The following ASTN2 variants were observed in gnomAD, a reference collection of about 807,000 sequenced individuals.
ASTN2 encodes astrotactin 2, also known as astrotactin-2.
A neutral mutation model predicts 139.8 loss-of-function variants in ASTN2; 54 were observed. The ratio of observed to expected loss-of-function variants is 0.39; its 90% CI spans 0.31 to 0.48. The LOEUF is 0.48. ASTN2 is among the 20% of genes least tolerant of loss of function. The probability of loss-of-function intolerance (pLI) is 0.95; values close to 1 mark genes in which losing one functional copy is unlikely to be tolerated. For synonymous variants in ASTN2, 756 were observed against 719.5 expected, an observed-to-expected ratio of 1.05 and a Z score of -0.81; for missense variants, 1,565 against 1,725.1, an observed-to-expected ratio of 0.91 and a Z score of 1.64.
At chr9:116,799,792 A>G (rs777092161) in intron 13 of ASTN2, among the ~76,000 whole-genome samples, 2 of 152,010 alleles carry the variant, frequency 1.3e-5, no homozygotes, top group African/African-American at 2.4e-5. Flanking sequence ...TAGTCTGTCA[A>G]TTCCCACACT....
At chr9:116,902,721 C>T (rs1289543350) in intron 10 of ASTN2, among the ~76,000 whole-genome samples, 1 of 152,084 alleles carries the variant, frequency 6.6e-6, no homozygotes, top group African/African-American at 2.4e-5. Context: ...TTTGGTTCTG[C>T]TTTTTCTAGA....
intron 7 of ASTN2, among the ~76,000 whole-genome samples, chr9:116,984,730 CA>C (rs1836629405): frequency 6.6e-6 from 1 of 152,210 alleles, no homozygotes; most frequent in Admixed American, 6.5e-5. Context: ...GTAATGTCAT[CA>C]GGGGATACAT....
intron 5 of ASTN2, among the ~76,000 whole-genome samples, chr9:117,041,666 G>A (rs1838576733): frequency 6.6e-6 from 1 of 152,130 alleles, no homozygotes. Flanking sequence ...GTTGCAGGAT[G>A]TGATCCATAT....
chr9:116,632,134 G>C (rs1410728213), intron 17 of ASTN2, among the ~76,000 whole-genome samples: 1 of 74,946 alleles, frequency 1.3e-5, no homozygotes, highest in Non-Finnish European at 2.5e-5. Context: ...AAAGAAGAGA[G>C]AGAGAGAGAG....
chr9:117,275,067 C>A (rs1449672198), intron 2 of ASTN2, among the ~76,000 whole-genome samples: 3 of 152,178 alleles, frequency 2.0e-5, no homozygotes, highest in Non-Finnish European at 4.4e-5. Context: ...TAATCATTAA[C>A]CACCAAAGTT....
chr9:117,209,958 ATGAG>A (rs1832066773), intron 3 of ASTN2, among the ~76,000 whole-genome samples: 1 of 152,162 alleles, frequency 6.6e-6, no homozygotes, highest in Non-Finnish European at 1.5e-5. Flanking sequence ...TGAATGACCA[ATGAG>A]TGAAGGAAGA....
At position 116,972,164 on chromosome 9, in the gene ASTN2, C is replaced by G. The variant is rs528814747; in HGVS notation, c.1889+3044G>C. 6.6e-5 allele frequency among the ~76,000 whole-genome samples: 10 copies of G among 152,258 alleles called. No homozygotes were observed. The East Asian group carries it at 1.9e-3, about 29-fold the overall frequency. On this transcript the variant is annotated intron_variant, in intron 10 of 22. Transcript: ENST00000313400. The stretch of plus-strand genomic sequence containing the variant: ...TCCATCACCCAGAAGTAATCTCTAT[C>G]CTTTCTTCTAACATCATAAATTAGT...
intron 16 of ASTN2, among the ~76,000 whole-genome samples, chr9:116,661,059 G>A (rs1207646240): frequency 1.3e-5 from 2 of 152,078 alleles, no homozygotes; most frequent in South Asian, 2.1e-4. Flanking sequence ...AATTTCTGAG[G>A]CAGGTCATAC....
At chr9:116,471,084 A>G (rs890054540) in intron 20 of ASTN2, among the ~76,000 whole-genome samples, 26 of 152,112 alleles carry the variant, frequency 1.7e-4, no homozygotes, top group Non-Finnish European at 2.5e-4. Context: ...AGCCAGCAAA[A>G]TTGCTGTTTA....
At chr9:117,209,353 C>T (rs4625107) in intron 3 of ASTN2, among the ~76,000 whole-genome samples, 144,289 of 152,186 alleles carry the variant, frequency 0.95, 68,618 homozygotes, top group Non-Finnish European at 0.99. Flanking sequence ...AGTGAAGGAA[C>T]GGAAAAATAT....
rs140657827 is a variant in ASTN2 at position 116,974,595 on chromosome 9, G to A, written c.1889+613C>T. ...TCGATCTCAGCTCACTGCAACTTCC[G>A]CCTCCTGGGTTGAAGAGATTCTCCA... On this transcript the variant is annotated intron_variant, in intron 10 of 22. Transcript: ENST00000313400. Among the ~76,000 whole-genome samples, 657 of 140,484 alleles carry A rather than the reference G, an allele frequency of 4.7e-3. 4 individuals carry two copies. The highest frequency in any genetic ancestry group is 0.017 in the African/African-American group (632 of 37,566). The allele number at this position is 140,484 out of a possible 152,430, so 92.2% of individuals were successfully genotyped here. A position where few individuals can be genotyped will look rare whatever the true frequency, so the allele number is the denominator to read the frequency against.
At position 117,347,144 on chromosome 9, in the gene ASTN2, G is replaced by A. The variant is rs187332589; in HGVS notation, c.443-55631C>T. Among the ~76,000 whole-genome samples, 52 of 152,092 alleles carry A rather than the reference G, an allele frequency of 3.4e-4. No homozygotes were observed. In the East Asian group the frequency reaches 8.2e-3, roughly 24 times the overall value. ...GTGAAAACTGTGGAAAATATAATGGGAGTGAGGTCAAGAAGAAAAGGCACA... is the reference window on the plus strand; with the variant it reads ...GTGAAAACTGTGGAAAATATAATGGAAGTGAGGTCAAGAAGAAAAGGCACA... On this transcript the variant is annotated intron_variant, in intron 1 of 22. Coordinates refer to ENST00000313400, the MANE Select transcript of ASTN2 (RefSeq NM_001365068.1).
intron 1 of ASTN2, among the ~76,000 whole-genome samples, chr9:117,400,632 G>A (rs1588014792): frequency 2.0e-5 from 3 of 152,234 alleles, no homozygotes; most frequent in African/African-American, 2.4e-5. Flanking sequence ...AACTCTAGTC[G>A]CACCTGGGTT....
rs142972015 is a variant in ASTN2 at position 116,723,059 on chromosome 9, G to A, written c.2806+2712C>T. Among the ~76,000 whole-genome samples, 105 of 152,148 alleles carry A rather than the reference G, an allele frequency of 6.9e-4. No individual in the cohort carries two copies. In the East Asian group the frequency reaches 0.018, roughly 26 times the overall value. Reference sequence around the variant, plus strand: ...GGGCGCCTGTAGTCCCAGCTACTCCGGGGACTGAGGCAGGAGAATGGCGTG... The same window carrying A: ...GGGCGCCTGTAGTCCCAGCTACTCCAGGGACTGAGGCAGGAGAATGGCGTG... On this transcript the variant is annotated intron_variant, in intron 16 of 22. Coordinates refer to ENST00000313400, the MANE Select transcript of ASTN2 (RefSeq NM_001365068.1).
At chr9:116,935,388 A>G (rs186186958) in intron 10 of ASTN2, among the ~76,000 whole-genome samples, 1 of 152,320 alleles carries the variant, frequency 6.6e-6, no homozygotes, top group East Asian at 1.9e-4. Context: ...TAAAAGTAAT[A>G]CTGCCTACGT....
At position 116,976,764 on chromosome 9, in the gene ASTN2, C is replaced by A. The variant is rs550354807; in HGVS notation, c.1613G>T (p.Gly538Val). 2 of 1,614,056 alleles carry A rather than the reference C, an allele frequency of 1.2e-6. No homozygotes were observed. The highest frequency in any genetic ancestry group is 4.5e-5 in the East Asian group (2 of 44,878). The change falls in exon 8 of 23, where the codon GGC becomes GTC. Residue 538 changes from glycine (G) to valine (V), a missense_variant. This residue lies in a region of ASTN2 where 503 missense variants were observed against 591.7 expected (regional missense o/e 0.85). Coordinates refer to ENST00000313400, the MANE Select transcript of ASTN2 (RefSeq NM_001365068.1). ...PETGECSCHE[G>V]YAPDPVHRHL... ...TCTGTGAACAGGGTCAGGGGCATAG[C>A]CTTCATGACAGCTGCACTCTCCTGT... is the stretch of plus-strand genomic sequence containing the variant.
Position 116,724,173 on chromosome 9 carries a change from T to A in ASTN2, c.2806+1598A>T, listed in dbSNP as rs777170955. Among the ~76,000 whole-genome samples, 54 of 152,230 alleles carry A rather than the reference T, an allele frequency of 3.5e-4. 1 individual carries two copies. The highest frequency in any genetic ancestry group is 2.6e-4 in the Non-Finnish European group (18 of 68,040). On this transcript the variant is annotated intron_variant, in intron 16 of 22. Transcript: ENST00000313400. ...CAGTGAGTGAAGGTTTTTATAAACA[T>A]AACCTAATAGTATTACTTCAAAGTC...
intron 1 of ASTN2, among the ~76,000 whole-genome samples, chr9:117,379,431 T>G (rs959113284): frequency 6.6e-6 from 1 of 152,090 alleles, no homozygotes; most frequent in African/African-American, 2.4e-5. Context: ...CAAGGTGAAG[T>G]GATGGTGACT....
intron 14 of ASTN2, among the ~76,000 whole-genome samples, chr9:116,731,202 A>G (rs1828771257): frequency 6.8e-6 from 1 of 148,090 alleles, no homozygotes; most frequent in Non-Finnish European, 1.5e-5. Flanking sequence ...AATAATAATA[A>G]TAATAATAAT....
Sources: allele counts gnomAD v4.1 joint callset (sites outside exome capture counted in the v4.1 genomes callset), GRCh38; gene constraint gnomAD v4.1.1; regional missense constraint gnomAD v4.1.1; transcripts MANE v1.5; gene names NCBI Gene and HGNC (gene_info 2026-07-23, HGNC 2026-07-21).